CSMD3: variants seen among roughly 807,000 people sequenced by gnomAD.
CSMD3 encodes CUB and Sushi multiple domains 3, also known as CUB and sushi domain-containing protein 3.
A neutral mutation model predicts 435.2 loss-of-function variants in CSMD3; 177 were observed. That is an observed-to-expected ratio of 0.41 (90% CI 0.36 to 0.46). The LOEUF (loss-of-function observed/expected upper bound fraction) is 0.46, where lower values mean the gene tolerates loss of function less well. Ranked by LOEUF, CSMD3 falls within the 20% of genes least tolerant of loss-of-function variation. CSMD3 has a pLI of 0.34. For missense variants in CSMD3, 4,265 were observed against 4,504.6 expected (o/e 0.95, Z 1.52); for synonymous variants, 1,656 against 1,520.5 (o/e 1.09, Z -2.07).
chr8:113,314,618 G>C lies in CSMD3; in HGVS notation c.354C>G (p.Tyr118Ter). The C allele has an allele frequency of 6.2e-7, 1 of 1,610,226 alleles. No homozygotes were observed. The highest frequency in any genetic ancestry group is 1.1e-5 in the South Asian group (1 of 91,004). Residue 118 changes from tyrosine to a stop codon, truncating the protein, a stop_gained, in exon 2 of 71, where the codon TAC (tyrosine) becomes TAG (stop). Transcript: ENST00000297405. LOFTEE classifies it high-confidence loss of function. ...GAGGATGTCCATCATATAATGATAA[G>C]TAGTCGTATTCTTCTTCTAGAGCAA... The part of the protein sequence containing the change: ...QSFALEEEYD[Y>*]LSLYDGHPHP...
intron 27 of CSMD3, 41 bp downstream of exon 27, chr8:112,550,630 C>T (rs1414342599): frequency 4.7e-6 from 5 of 1,053,148 alleles, no homozygotes; most frequent in Admixed American, 3.4e-5. Context: ...TTTACATCAC[C>T]TTCCTATTTT....
rs1485927977 is a variant in CSMD3 at position 112,786,776 on chromosome 8, T to C, written c.1972+13386A>G. 2.6e-5 allele frequency among the ~76,000 whole-genome samples: 4 copies of C among 152,214 alleles called. No homozygotes were observed. In the East Asian group the frequency reaches 7.8e-4, roughly 30 times the overall value. ...ATTATACTCTAAGTTCTGGGATACA[T>C]GTGCAGAATGTTCAGGTTTGTTACA... On this transcript the variant is annotated intron_variant, in intron 13 of 70. Transcript: ENST00000297405.
chr8:112,726,414 C>T (rs1049548122), intron 13 of CSMD3, among the ~76,000 whole-genome samples: 1 of 151,772 alleles, frequency 6.6e-6, no homozygotes, highest in African/African-American at 2.4e-5. Context: ...ATTCTAAGTA[C>T]TTAGCCAATT....
At chr8:112,365,120 G>C (rs1438642825) in intron 38 of CSMD3, among the ~76,000 whole-genome samples, 1 of 102,348 alleles carries the variant, frequency 9.8e-6, no homozygotes, top group African/African-American at 2.8e-5. Context: ...AATGAATAGA[G>C]AGAAATGTGT....
At chr8:113,257,388 G>T (rs886193003) in intron 3 of CSMD3, among the ~76,000 whole-genome samples, 1 of 152,112 alleles carries the variant, frequency 6.6e-6, no homozygotes, top group Non-Finnish European at 1.5e-5. Flanking sequence ...TCCAGCCTGG[G>T]CAACAGGGCA....
intron 3 of CSMD3, among the ~76,000 whole-genome samples, chr8:113,185,814 T>A (rs1168231918): frequency 6.6e-6 from 1 of 151,970 alleles, no homozygotes; most frequent in Admixed American, 6.6e-5. Context: ...GGCATTTGTA[T>A]CTTTCACAGG....
At chr8:113,268,662 A>C (rs1032690734) in intron 3 of CSMD3, among the ~76,000 whole-genome samples, 5 of 152,050 alleles carry the variant, frequency 3.3e-5, no homozygotes, top group African/African-American at 1.2e-4. Flanking sequence ...TTTTAAAGTA[A>C]ATGGGCTAAA....
At chr8:112,948,773 A>C (rs528686010) in intron 8 of CSMD3, among the ~76,000 whole-genome samples, 1 of 151,956 alleles carries the variant, frequency 6.6e-6, no homozygotes, top group Non-Finnish European at 1.5e-5. Context: ...TAAACCATCC[A>C]ATGCTTGTTG....
chr8:112,370,088 T>C (rs76420590), intron 38 of CSMD3, among the ~76,000 whole-genome samples: 1 of 122,326 alleles, frequency 8.2e-6, no homozygotes, highest in South Asian at 2.8e-4. Flanking sequence ...GAAGAAGTAG[T>C]AGTAGTAGTA....
At chr8:113,163,592 T>A (rs180991608) in intron 4 of CSMD3, among the ~76,000 whole-genome samples, 198 of 152,044 alleles carry the variant, frequency 1.3e-3, no homozygotes, top group African/African-American at 4.4e-3. Context: ...GTAGAAAAAA[T>A]TAAGATAATA....
At chr8:112,696,403 C>T (rs1237824911) in intron 13 of CSMD3, among the ~76,000 whole-genome samples, 1 of 151,994 alleles carries the variant, frequency 6.6e-6, no homozygotes, top group Non-Finnish European at 1.5e-5. Flanking sequence ...CAGAACAGAG[C>T]CCTCAGGAAT....
At chr8:113,188,968 T>G (rs536092073) in intron 3 of CSMD3, among the ~76,000 whole-genome samples, 89 of 151,990 alleles carry the variant, frequency 5.9e-4, no homozygotes, top group South Asian at 8.3e-4. Context: ...ACTGAAAAGG[T>G]GATCATTTGG....
chr8:112,712,222 C>G (rs1013665007), intron 13 of CSMD3, among the ~76,000 whole-genome samples: 1 of 152,086 alleles, frequency 6.6e-6, no homozygotes, highest in Non-Finnish European at 1.5e-5. Flanking sequence ...GCAGGATCCT[C>G]AAGGAAATGT....
At chr8:112,893,461 CAG>C (rs1481070027) in intron 10 of CSMD3, among the ~76,000 whole-genome samples, 1 of 151,376 alleles carries the variant, frequency 6.6e-6, no homozygotes, top group African/African-American at 2.4e-5. Context: ...AACAGGATAT[CAG>C]TATTTTTAAA....
At chr8:113,221,006 T>G (rs1223321166) in intron 3 of CSMD3, among the ~76,000 whole-genome samples, 3 of 151,380 alleles carry the variant, frequency 2.0e-5, no homozygotes, top group Non-Finnish European at 4.4e-5. Context: ...AAGAGAAGTA[T>G]GTTCTTCAGA....
intron 51 of CSMD3, 99 bp downstream of exon 51, chr8:112,305,908 G>T: frequency 1.0e-6 from 1 of 1,002,952 alleles, no homozygotes; most frequent in Non-Finnish European, 1.6e-6. Context: ...TCACATTTCA[G>T]TTTAGGGATT....
At chr8:113,059,675 A>T (rs959593326) in intron 5 of CSMD3, among the ~76,000 whole-genome samples, 1 of 152,190 alleles carries the variant, frequency 6.6e-6, no homozygotes, top group Non-Finnish European at 1.5e-5. Context: ...GTCATTTGCT[A>T]ATTAGCTTAA....
intron 10 of CSMD3, 116 bp from the exon 11 acceptor site, chr8:112,859,382 A>C: frequency 3.5e-6 from 3 of 856,802 alleles, no homozygotes; most frequent in Non-Finnish European, 5.7e-6. Context: ...ACCACATTGA[A>C]ATATATATTA....
intron 38 of CSMD3, among the ~76,000 whole-genome samples, chr8:112,370,843 G>C (rs1291653665): frequency 1.3e-5 from 2 of 152,158 alleles, no homozygotes; most frequent in South Asian, 2.1e-4. Context: ...GGGGGCAAAA[G>C]TATATTGCCT....
Sources: allele counts gnomAD v4.1 joint callset (sites outside exome capture counted in the v4.1 genomes callset), GRCh38; gene constraint gnomAD v4.1.1; transcripts MANE v1.5; gene names NCBI Gene and HGNC (gene_info 2026-07-23, HGNC 2026-07-21).